The following CHD5 variants were observed in gnomAD, a reference collection of about 807,000 sequenced individuals.
CHD5 encodes the protein chromodomain helicase DNA binding protein 5.
Under a neutral mutation model 230.3 loss-of-function variants are expected in CHD5, and 69 were observed. That is an observed-to-expected ratio of 0.30 (90% confidence interval 0.25 to 0.37). The LOEUF (loss-of-function observed/expected upper bound fraction) is 0.37. Among genes scored for constraint, CHD5 ranks in the 10% least tolerant of loss-of-function variants. The pLI is 1.00. For synonymous variants in CHD5, 1,064 were observed against 1,065.9 expected (o/e 1.00, Z 0.03); for missense variants, 1,827 against 2,622.8 (o/e 0.70, Z 6.63).
At position 6,128,848 on chromosome 1, in the gene CHD5, G is replaced by A. The variant is rs542019061; in HGVS notation, c.3609C>T (p.Asp1203=). 2.5e-5 allele frequency: 41 copies of A among 1,609,306 alleles called. No homozygotes were observed. The highest frequency in any genetic ancestry group is 2.9e-5 in the Non-Finnish European group (34 of 1,176,850). ...LKFGTEELFK[D]DVEGMMSQGQ... ...GGAACAGAGGCCCACCCTCCACGTC[G>A]TCCTTGAAGAGTTCCTCCGTGCCGA... Residue 1203 remains aspartate (D), a synonymous_variant, in exon 23 of 42, where the codon GAC becomes GAT. Coordinates refer to ENST00000262450, the MANE Select transcript of CHD5 (RefSeq NM_015557.3). The surrounding 1 kb of genome is among the most constrained non-coding windows in gnomAD (Gnocchi z 7.8).
At chr1:6,138,306 G>A (rs4908810) in intron 15 of CHD5, among the ~76,000 whole-genome samples, 5,485 of 151,278 alleles carry the variant, frequency 0.036, 156 homozygotes, top group Admixed American at 0.071. Flanking sequence ...GAACCCAAAA[G>A]GCAGAGGTTG....
At chr1:6,161,151 G>A (rs895484397) in intron 2 of CHD5, among the ~76,000 whole-genome samples, 4 of 150,496 alleles carry the variant, frequency 2.7e-5, no homozygotes, top group Non-Finnish European at 5.9e-5. Context: ...AGGAAAGGGT[G>A]GCAGAAGGAA....
intron 1 of CHD5, among the ~76,000 whole-genome samples, chr1:6,173,761 C>T (rs114449310): frequency 0.011 from 1,694 of 152,280 alleles, 38 homozygotes; most frequent in African/African-American, 0.039. Flanking sequence ...TTGGCCACTG[C>T]TGGGCCAGAG....
chr1:6,147,103 A>G (rs1202081906), intron 9 of CHD5, among the ~76,000 whole-genome samples: 4 of 152,200 alleles, frequency 2.6e-5, no homozygotes, highest in Non-Finnish European at 5.9e-5. Flanking sequence ...CTTTCACTCA[A>G]TGGTGAACTT....
intron 2 of CHD5, among the ~76,000 whole-genome samples, chr1:6,162,743 A>C (rs1015495567): frequency 1.3e-5 from 2 of 152,222 alleles, no homozygotes; most frequent in African/African-American, 4.8e-5. Flanking sequence ...GAGGGGACAC[A>C]CCAAGCTCAC....
intron 6 of CHD5, among the ~76,000 whole-genome samples, chr1:6,151,494 A>C (rs561758182): frequency 1.3e-5 from 2 of 152,312 alleles, no homozygotes; most frequent in East Asian, 3.9e-4. Context: ...AAGTCTTCCC[A>C]GATCTCTCCT....
rs564056235 is a variant in CHD5 at position 6,174,199 on chromosome 1, C to G, written c.79+5746G>C. Among the ~76,000 whole-genome samples the G allele has an allele frequency of 2.6e-5, 4 of 151,844 alleles. No individual in the cohort carries two copies. The South Asian group carries it at 6.3e-4, about 24-fold the overall frequency. ...AAAGGGAGAGGCAGGGGCATGACCT[C>G]AGGGGAGACGAAAACTGACAGATAT... On this transcript the variant is annotated intron_variant, in intron 1 of 41. Coordinates refer to ENST00000262450, the MANE Select transcript of CHD5 (RefSeq NM_015557.3).
chr1:6,162,356 A>G (rs1219324659), intron 2 of CHD5, among the ~76,000 whole-genome samples: 2 of 151,984 alleles, frequency 1.3e-5, no homozygotes, highest in Non-Finnish European at 2.9e-5. Context: ...ATTGTACTCC[A>G]GCCTGGGTAA....
chr1:6,142,407 T>C lies in CHD5; in HGVS notation c.2235+7A>G. The C allele has an allele frequency of 6.2e-7, 1 of 1,601,450 alleles. No homozygotes were observed. The highest frequency in any genetic ancestry group is 8.5e-7 in the Non-Finnish European group (1 of 1,170,208). ...ACCCCTCCTGGCCGCCTGCCCCGCC[T>C]GCCCACCTCCTTGTAGAGGGAGTAA... On this transcript the variant is annotated splice_region_variant and intron_variant, in intron 14 of 41. Transcript: ENST00000262450. This position sits in a 1 kb window ranked among gnomAD's most constrained non-coding sequence, Gnocchi z 5.2.
Position 6,146,326 on chromosome 1 carries a change from CCGT to C in CHD5, c.1685_1687del (p.Asp562del). 1 of 1,614,180 alleles carries C rather than the reference CCGT, an allele frequency of 6.2e-7. No homozygotes were observed. The highest frequency in any genetic ancestry group is 1.1e-5 in the South Asian group (1 of 91,090). On this transcript the variant is annotated inframe_deletion, in exon 11 of 42. Coordinates refer to ENST00000262450, the MANE Select transcript of CHD5 (RefSeq NM_015557.3). The surrounding 1 kb of genome is among the most constrained non-coding windows in gnomAD (Gnocchi z 5.1). ...CTTGTTCTTCCTCTTCTCGCTCTTG[CCGT>C]CTTCATCCCCAGAGCCGTAGTCAAA... is the stretch of plus-strand genomic sequence containing the variant.
intron 36 of CHD5, 123 bp downstream of exon 36, chr1:6,111,652 G>T (rs1158956105): frequency 2.3e-5 from 17 of 740,854 alleles, no homozygotes; most frequent in Middle Eastern, 3.8e-4. Context: ...TCTAGCCACC[G>T]CCAGAAGTGA....
At chr1:6,161,042 G>C (rs551531022) in intron 2 of CHD5, among the ~76,000 whole-genome samples, 1 of 152,204 alleles carries the variant, frequency 6.6e-6, no homozygotes, top group African/African-American at 2.4e-5. Context: ...AGAGGCATGG[G>C]ATGAGATTAA....
Position 6,179,974 on chromosome 1 carries a change from T to G in CHD5, c.50A>C (p.Glu17Ala), listed in dbSNP as rs913710576. Residue 17 changes from glutamate to alanine, a missense_variant, in exon 1 of 42, where the codon GAG becomes GCG. Physicochemically the swap from Glu to Ala is moderately radical, Grantham distance 107. This residue lies in a region of CHD5 where 113 missense variants were observed against 91.9 expected (regional missense o/e 1.23). Transcript: ENST00000262450. ...CATCTCGTCCTCATTCTCCATCTCC[T>G]CGGCGAACAGCCGCGGCAGCTCCTC... ...TEEELPRLFA[E>A]EMENEDEMSE... is the part of the protein sequence containing the mutation. 19 of 1,376,552 alleles carry G rather than the reference T, an allele frequency of 1.4e-5. No individual in the cohort carries two copies. In the African/African-American group the frequency reaches 2.8e-4, roughly 20 times the overall value. 85.3% of individuals were successfully genotyped at this position (1,376,552 alleles called of 1,614,324 possible).
rs1254660368 is a variant in CHD5 at position 6,120,968 on chromosome 1, G to A, written c.4912+137C>T. On this transcript the variant is annotated intron_variant, in intron 33 of 41. Transcript: ENST00000262450. The stretch of plus-strand genomic sequence containing the variant: ...TGAGCTCCTGGCCTCCCCTCACCAG[G>A]GGGCCTGCAGAGGGTTGGAGTCTAC... 4.8e-6 allele frequency: 5 copies of A among 1,033,534 alleles called. No individual in the cohort carries two copies. The South Asian group carries it at 6.3e-5, about 13-fold the overall frequency. 64.0% of individuals were successfully genotyped at this position (1,033,534 alleles called of 1,614,324 possible).
rs564046670 is a variant in CHD5, at chr1:6,153,594, C to G, written c.746-1058G>C. 1.6e-3 allele frequency among the ~76,000 whole-genome samples: 247 copies of G among 152,270 alleles called. 1 individual carries two copies. Among genetic ancestry groups the G allele is most frequent in the African/African-American group, 5.8e-3 (241 of 41,560 alleles). On this transcript the variant is annotated intron_variant, in intron 5 of 41. Transcript: ENST00000262450. Reference sequence around the variant, plus strand: ...CTGCAATCCCAGCACTTTGGGAGGCCGAGGTGGGCAGATCACCTGAGGTCA... The same window carrying G: ...CTGCAATCCCAGCACTTTGGGAGGCGGAGGTGGGCAGATCACCTGAGGTCA...
intron 1 of CHD5, among the ~76,000 whole-genome samples, chr1:6,173,714 C>T (rs552307209): frequency 1.3e-4 from 20 of 152,248 alleles, no homozygotes; most frequent in African/African-American, 4.6e-4. Context: ...AGGGTCAGGG[C>T]GGCAGTGGTG....
chr1:6,150,421 G>T (rs978472293), intron 7 of CHD5, among the ~76,000 whole-genome samples: 2 of 113,220 alleles, frequency 1.8e-5, no homozygotes, highest in Admixed American at 1.7e-4. Context: ...CAAGTGGATG[G>T]ATGGATGATA....
At chr1:6,153,383 C>T (rs1486111188) in intron 5 of CHD5, among the ~76,000 whole-genome samples, 1 of 152,224 alleles carries the variant, frequency 6.6e-6, no homozygotes, top group Non-Finnish European at 1.5e-5. Flanking sequence ...ACAGATGGAG[C>T]AGGACAGGGA....
At position 6,154,523 on chromosome 1, in the gene CHD5, C is replaced by CGCCGTATCATTAAAA; in HGVS notation, c.745+136_745+137insTTTTAATGATACGGC. The CGCCGTATCATTAAAA allele has an allele frequency of 1.4e-6, 1 of 694,292 alleles. No individual in the cohort carries two copies. Among genetic ancestry groups the CGCCGTATCATTAAAA allele is most frequent in the Admixed American group, 3.5e-5 (1 of 28,520 alleles). 43.0% of individuals were successfully genotyped at this position (694,292 alleles called of 1,614,324 possible). A position where few individuals can be genotyped will look rare whatever the true frequency, so the allele number is the denominator to read the frequency against. On this transcript the variant is annotated intron_variant, in intron 5 of 41. Transcript: ENST00000262450. The surrounding 1 kb of genome is among the most constrained non-coding windows in gnomAD (Gnocchi z 7.0). The stretch of plus-strand genomic sequence containing the variant: ...GAGAAAGGACCGGGCAATCCAAGGT[C>CGCCGTATCATTAAAA]ACACAGGCACAGAGCCCTCCATTAG...
Sources: allele counts gnomAD v4.1 joint callset (sites outside exome capture counted in the v4.1 genomes callset), GRCh38; gene constraint gnomAD v4.1.1; regional missense constraint gnomAD v4.1.1; non-coding constraint Gnocchi (gnomAD v3.1); transcripts MANE v1.5; gene names NCBI Gene and HGNC (gene_info 2026-07-23, HGNC 2026-07-21).